Variants in ZNF286A observed in about 807,000 individuals in gnomAD.
ZNF286A encodes the protein zinc finger protein 286A.
ZNF286A carries 34 observed loss-of-function variants against 49.3 expected under a neutral mutation model. That is an observed-to-expected ratio of 0.69 (90% confidence interval 0.52 to 0.92). ZNF286A has a LOEUF of 0.92. Among genes scored for constraint, ZNF286A ranks in the 40% least tolerant of loss-of-function variants. ZNF286A has a pLI of 0.00. For synonymous variants in ZNF286A, 155 were observed against 200.4 expected, an observed-to-expected ratio of 0.77 and a Z score of 1.91; for missense variants, 462 against 600.2, an observed-to-expected ratio of 0.77 and a Z score of 2.41.
intron 5 of ZNF286A, among the ~76,000 whole-genome samples, chr17:15,711,957 T>C (rs1343161555): frequency 6.9e-6 from 1 of 143,934 alleles, no homozygotes; most frequent in Non-Finnish European, 1.5e-5. Context: ...CTGCAAGCTC[T>C]GCCTCCTGGG....
In ZNF286A at chr17:15,711,860, G is replaced by GCC. The variant is rs1195215778; in HGVS notation, c.334+3622_334+3623dup. Among the ~76,000 whole-genome samples the GCC allele has an allele frequency of 1.2e-4, 12 of 103,414 alleles. 1 individual carries two copies. Among genetic ancestry groups the GCC allele is most frequent in the African/African-American group, 3.9e-4 (10 of 25,942 alleles). The allele number at this position is 103,414 out of a possible 152,430, so 67.8% of individuals were successfully genotyped here. On this transcript the variant is annotated intron_variant, in intron 5 of 5. Coordinates refer to ENST00000583566, the MANE Select transcript of ZNF286A (RefSeq NM_001130842.2). ...CTAAATTTGCATTTATCTGTAATCT[G>GCC]CCCCCCCCCCGGCTTTTTTTTTTTT... is the stretch of plus-strand genomic sequence containing the variant.
chr17:15,701,732 C>T (rs1316389646), intron 3 of ZNF286A, among the ~76,000 whole-genome samples: 1 of 152,166 alleles, frequency 6.6e-6, no homozygotes, highest in Middle Eastern at 3.2e-3. Flanking sequence ...AGTTAGAATC[C>T]AGCCCTCTGA....
chr17:15,707,005 C>T (rs200064099), intron 4 of ZNF286A, among the ~76,000 whole-genome samples: 22 of 152,064 alleles, frequency 1.4e-4, no homozygotes, highest in African/African-American at 4.6e-4. Context: ...CTAGAGCCAG[C>T]GAGATTGAGT....
At chr17:15,715,150 C>G (rs1456510580) in intron 5 of ZNF286A, among the ~76,000 whole-genome samples, 2 of 151,882 alleles carry the variant, frequency 1.3e-5, no homozygotes, top group Non-Finnish European at 2.9e-5. Context: ...TCTCTGCCCT[C>G]TCTCCCATGT....
intron 5 of ZNF286A, among the ~76,000 whole-genome samples, chr17:15,712,038 A>G (rs1305385644): frequency 6.6e-6 from 1 of 151,722 alleles, no homozygotes. Flanking sequence ...CACCCGGCTA[A>G]TTTTTTTGTA....
At chr17:15,702,020 G>T (rs776499724) in intron 3 of ZNF286A, among the ~76,000 whole-genome samples, 1 of 151,972 alleles carries the variant, frequency 6.6e-6, no homozygotes, top group Non-Finnish European at 1.5e-5. Context: ...TAGTCTGGAG[G>T]CTGGGGCAGG....
intron 5 of ZNF286A, among the ~76,000 whole-genome samples, chr17:15,711,138 TC>T (rs1256146767): frequency 2.6e-5 from 4 of 152,108 alleles, no homozygotes; most frequent in African/African-American, 9.7e-5. Flanking sequence ...GGTCTCGATC[TC>T]CTGACCTCAT....
chr17:15,703,433 A>AT (rs1238072625), intron 3 of ZNF286A, among the ~76,000 whole-genome samples: 2 of 151,842 alleles, frequency 1.3e-5, no homozygotes, highest in Non-Finnish European at 2.9e-5. Flanking sequence ...TGCCTGGGCT[A>AT]TTTTTTACCT....
chr17:15,706,219 T>C (rs79380846), intron 3 of ZNF286A, among the ~76,000 whole-genome samples, 168 bp from the exon 4 acceptor site: 2 of 152,226 alleles, frequency 1.3e-5, no homozygotes, highest in East Asian at 3.8e-4. Flanking sequence ...TAGTTACCCT[T>C]TACATAAAAT....
intron 5 of ZNF286A, chr17:15,711,315 A>G (rs546803895): frequency 1.3e-5 from 2 of 152,194 alleles, no homozygotes; most frequent in South Asian, 4.1e-4. Context: ...TCTGTTTACT[A>G]GTATATTCTT....
chr17:15,717,439 A>G lies in ZNF286A; in HGVS notation c.*149A>G, dbSNP rs1287283689. On this transcript the variant is annotated 3_prime_UTR_variant, in exon 6 of 6. Coordinates refer to ENST00000583566, the MANE Select transcript of ZNF286A (RefSeq NM_001130842.2). ...TTTGCGTAATACATAGTTTTGAGCC[A>G]TAAGCAGGTTCTTTATGTCCGTTAA... is the stretch of plus-strand genomic sequence containing the variant. 1.7e-5 allele frequency: 23 copies of G among 1,362,578 alleles called. No individual in the cohort carries two copies. The highest frequency in any genetic ancestry group is 1.9e-5 in the Non-Finnish European group (20 of 1,028,594). 84.4% of individuals were successfully genotyped at this position (1,362,578 alleles called of 1,614,324 possible). A position where few individuals can be genotyped will look rare whatever the true frequency, so the allele number is the denominator to read the frequency against.
chr17:15,715,535 A>G (rs963318487), intron 5 of ZNF286A, among the ~76,000 whole-genome samples: 2 of 152,164 alleles, frequency 1.3e-5, no homozygotes, highest in Non-Finnish European at 1.5e-5. Context: ...TATATTTGTC[A>G]TTATGCCTTT....
intron 3 of ZNF286A, among the ~76,000 whole-genome samples, 161 bp from the exon 4 acceptor site, chr17:15,706,226 A>G (rs1283173598): frequency 6.6e-6 from 1 of 152,194 alleles, no homozygotes; most frequent in Non-Finnish European, 1.5e-5. Flanking sequence ...CCTTTACATA[A>G]AATACTCCGA....
At chr17:15,714,316 G>A (rs1966913097) in intron 5 of ZNF286A, among the ~76,000 whole-genome samples, 1 of 151,948 alleles carries the variant, frequency 6.6e-6, no homozygotes, top group South Asian at 2.1e-4. Context: ...CATGGAAAAT[G>A]TTGAGACAAT....
intron 4 of ZNF286A, among the ~76,000 whole-genome samples, chr17:15,707,027 A>T (rs569722938): frequency 6.6e-6 from 1 of 152,306 alleles, no homozygotes; most frequent in South Asian, 2.1e-4. Flanking sequence ...CTCTGTGGCC[A>T]GTTTTAGATC....
chr17:15,700,948 A>G (rs1056971922), intron 2 of ZNF286A, among the ~76,000 whole-genome samples: 1 of 139,504 alleles, frequency 7.2e-6, no homozygotes, highest in Non-Finnish European at 1.6e-5. Context: ...TGTTATGATT[A>G]TAGCAACTGA....
intron 3 of ZNF286A, among the ~76,000 whole-genome samples, chr17:15,705,159 A>G (rs1268927515): frequency 6.6e-6 from 1 of 152,204 alleles, no homozygotes; most frequent in Non-Finnish European, 1.5e-5. Context: ...AGATAATTTT[A>G]GACATAAGAA....
intron 5 of ZNF286A, among the ~76,000 whole-genome samples, chr17:15,712,370 C>T (rs147313144): frequency 0.31 from 46,103 of 149,390 alleles, 4,900 homozygotes; most frequent in South Asian, 0.39. Context: ...TATTTCCATC[C>T]TAGAGCTCTC....
rs1233077348 is a variant in ZNF286A, at chr17:15,700,125, G to A, written c.-195-10G>A. ...ACCCAGCCTCAGGGATGCTGTCCCC[G>A]GGCTTCCAGGCTCCAGCGCCGTAGG... On this transcript the variant is annotated splice_polypyrimidine_tract_variant and intron_variant, in intron 1 of 5. Transcript: ENST00000583566. The A allele has an allele frequency of 2.5e-4, 137 of 552,484 alleles. No individual in the cohort carries two copies. The highest frequency in any genetic ancestry group is 3.8e-4 in the Non-Finnish European group (118 of 312,734). The allele number at this position is 552,484 out of a possible 1,614,324, so 34.2% of individuals were successfully genotyped here. A position where few individuals can be genotyped will look rare whatever the true frequency, so the allele number is the denominator to read the frequency against.
Sources: allele counts gnomAD v4.1 joint callset (sites outside exome capture counted in the v4.1 genomes callset), GRCh38; gene constraint gnomAD v4.1.1; transcripts MANE v1.5; gene names NCBI Gene and HGNC (gene_info 2026-07-23, HGNC 2026-07-21).